RPS6KA6: variants seen among roughly 807,000 people sequenced by gnomAD.
RPS6KA6 encodes the protein ribosomal protein S6 kinase A6, also known as ribosomal protein S6 kinase alpha-6.
RPS6KA6 carries 27 observed loss-of-function variants against 65.4 expected under a neutral mutation model. The observed-to-expected ratio is 0.41, with a 90% confidence interval of 0.30 to 0.57. The LOEUF (loss-of-function observed/expected upper bound fraction) is 0.57, where lower values mean the gene tolerates loss of function less well. Among genes scored for constraint, RPS6KA6 ranks in the 20% least tolerant of loss-of-function variants. The probability of loss-of-function intolerance (pLI) is 0.24; values close to 1 mark genes in which losing one functional copy is unlikely to be tolerated. For synonymous variants in RPS6KA6, 190 were observed against 184.2 expected (o/e 1.03, Z -0.26); for missense variants, 486 against 555.6 (o/e 0.87, Z 1.26).
chrX:84,182,057 TCTCTCTCA>T lies in RPS6KA6; in HGVS notation c.81+5754_81+5761del, dbSNP rs1468967144. The stretch of plus-strand genomic sequence containing the variant: ...CTCTGTCTCTCTCTCTCTCTCTCTC[TCTCTCTCA>T]CACACACACACACACACACACACAC... On this transcript the variant is annotated intron_variant, in intron 1 of 21. Transcript: ENST00000262752. Among the ~76,000 whole-genome samples, 611 of 98,404 alleles carry T rather than the reference TCTCTCTCA, an allele frequency of 6.2e-3. 5 individuals carry two copies. Among genetic ancestry groups the T allele is most frequent in the East Asian group, 0.025 (57 of 2,291 alleles). The allele number at this position is 98,404 out of a possible 115,157, so 85.5% of individuals were successfully genotyped here.
chrX:84,107,295 T>C lies in RPS6KA6; in HGVS notation c.1112-255A>G, dbSNP rs1046788894. Among the ~76,000 whole-genome samples the C allele has an allele frequency of 2.7e-5, 3 of 111,851 alleles. No individual in the cohort carries two copies. The Admixed American group carries it at 2.9e-4, about 11-fold the overall frequency. On this transcript the variant is annotated intron_variant, in intron 13 of 21. Transcript: ENST00000262752. ...GTATTCAATATTTCTTGAGTGTATG[T>C]ATGAAACTGTAAAAGACAGAGTAAT...
At chrX:84,065,775 T>C (rs779694667) in intron 20 of RPS6KA6, among the ~76,000 whole-genome samples, 1 of 112,332 alleles carries the variant, frequency 8.9e-6, no homozygotes, top group Non-Finnish European at 1.9e-5. Flanking sequence ...CTCCCAAGTA[T>C]CTTTTAGAGA....
At chrX:84,102,003 A>G (rs778394104) in intron 18 of RPS6KA6, 34 bp downstream of exon 18, 3 of 1,121,786 alleles carry the variant, frequency 2.7e-6, no homozygotes, top group Admixed American at 2.6e-5. Flanking sequence ...AAGGAAAAGA[A>G]TGAAAGGCAA....
At chrX:84,065,724 T>A (rs201048541) in intron 20 of RPS6KA6, among the ~76,000 whole-genome samples, 5,698 of 111,987 alleles carry the variant, frequency 0.051, 196 homozygotes, top group East Asian at 0.2. Context: ...GGAAAAGTTT[T>A]CAATATATTA....
intron 1 of RPS6KA6, among the ~76,000 whole-genome samples, chrX:84,173,896 G>A (rs2147631682): frequency 9.0e-6 from 1 of 111,554 alleles, no homozygotes; most frequent in East Asian, 2.8e-4. Context: ...ATCACTTTTG[G>A]TCAACGTGAA....
Position 84,061,585 on chromosome X carries a change from T to A in RPS6KA6, c.*2692A>T, listed in dbSNP as rs2033302277. ...TTTTCTTGAAAATTGTTTCCTGAGT[T>A]TATTCATGGTAGTATGTGCTTAAGG... On this transcript the variant is annotated 3_prime_UTR_variant, in exon 22 of 22. Transcript: ENST00000262752. 9.0e-6 allele frequency: 1 copy of A among 111,483 alleles called. No homozygotes were observed. Among genetic ancestry groups the A allele is most frequent in the Non-Finnish European group, 1.9e-5 (1 of 52,990 alleles). The allele number at this position is 111,483 out of a possible 1,213,427, so 9.2% of individuals were successfully genotyped here.
chrX:84,147,565 G>GAT (rs2035221181), intron 4 of RPS6KA6, among the ~76,000 whole-genome samples: 1 of 111,560 alleles, frequency 9.0e-6, no homozygotes, highest in Non-Finnish European at 1.9e-5. Context: ...GCCCACCTCA[G>GAT]CCTCTCAAAC....
At position 84,141,365 on chromosome X, in the gene RPS6KA6, T is replaced by C. The variant is rs755401469; in HGVS notation, c.501+4113A>G. On this transcript the variant is annotated intron_variant, in intron 6 of 21. Transcript: ENST00000262752. ...TATTAAATTACACAACAAAGTGTTA[T>C]GGATAATATCTACAAGACAACAGCA... Among the ~76,000 whole-genome samples the C allele has an allele frequency of 1.3e-4, 14 of 107,484 alleles. No homozygotes were observed. In the East Asian group the frequency reaches 3.5e-3, roughly 27 times the overall value. 93.3% of individuals were successfully genotyped at this position (107,484 alleles called of 115,157 possible). A position where few individuals can be genotyped will look rare whatever the true frequency, so the allele number is the denominator to read the frequency against.
chrX:84,084,647 C>A (rs1360817114), intron 20 of RPS6KA6, among the ~76,000 whole-genome samples: 1 of 112,118 alleles, frequency 8.9e-6, no homozygotes, highest in Non-Finnish European at 1.9e-5. Context: ...TAGTGTGATG[C>A]CTCCAGCTTT....
In RPS6KA6 at chrX:84,063,870, A is replaced by T; in HGVS notation, c.*407T>A. 1 of 112,984 alleles carries T rather than the reference A, an allele frequency of 8.9e-6. No homozygotes were observed. The highest frequency in any genetic ancestry group is 2.8e-4 in the East Asian group (1 of 3,608). 9.3% of individuals were successfully genotyped at this position (112,984 alleles called of 1,213,427 possible). On this transcript the variant is annotated 3_prime_UTR_variant, in exon 22 of 22. Transcript: ENST00000262752. ...CATTAGAAAAAGCCTATCCTTCAGG[A>T]TCTGATGTTTAAAAATACTAACATT... is the stretch of plus-strand genomic sequence containing the variant.
chrX:84,140,312 A>G (rs2035072180), intron 6 of RPS6KA6, among the ~76,000 whole-genome samples: 1 of 111,500 alleles, frequency 9.0e-6, no homozygotes, highest in Non-Finnish European at 1.9e-5. Context: ...AATCTAACGA[A>G]CTTTAAAAGA....
intron 20 of RPS6KA6, among the ~76,000 whole-genome samples, chrX:84,087,136 G>A (rs1420856216): frequency 9.0e-6 from 1 of 111,060 alleles, no homozygotes; most frequent in Non-Finnish European, 1.9e-5. Context: ...TTTAATTGAG[G>A]AATTTAGCCT....
intron 19 of RPS6KA6, 44 bp from the exon 20 acceptor site, chrX:84,096,355 C>T: frequency 1.7e-6 from 1 of 599,731 alleles, no homozygotes; most frequent in South Asian, 4.6e-5. Flanking sequence ...GGGTAACATA[C>T]CCAAACAATG....
chrX:84,067,876 G>A (rs1011675837), intron 20 of RPS6KA6, among the ~76,000 whole-genome samples: 1 of 111,571 alleles, frequency 9.0e-6, no homozygotes, highest in Non-Finnish European at 1.9e-5. Context: ...GAGAAAGGTC[G>A]GGTTAACCTA....
intron 4 of RPS6KA6, among the ~76,000 whole-genome samples, chrX:84,147,625 T>C (rs1307705994): frequency 9.0e-6 from 1 of 111,651 alleles, no homozygotes; most frequent in East Asian, 2.8e-4. Flanking sequence ...TAATCTCTTT[T>C]AATTGTTCAA....
At chrX:84,117,588 A>G in intron 9 of RPS6KA6, 134 bp from the exon 10 acceptor site, 1 of 351,771 alleles carries the variant, frequency 2.8e-6, no homozygotes, top group Non-Finnish European at 4.8e-6. Flanking sequence ...TCAAAATGGG[A>G]CCAGAAAACT....
intron 18 of RPS6KA6, among the ~76,000 whole-genome samples, 192 bp downstream of exon 18, chrX:84,101,845 G>A (rs1411862574): frequency 1.8e-5 from 2 of 110,818 alleles, no homozygotes; most frequent in Non-Finnish European, 3.8e-5. Flanking sequence ...CATTCTGGTT[G>A]GTTTTAGATG....
chrX:84,106,083 T>C (rs764048530), intron 15 of RPS6KA6, among the ~76,000 whole-genome samples: 1 of 111,701 alleles, frequency 9.0e-6, no homozygotes, highest in Non-Finnish European at 1.9e-5. Flanking sequence ...TTCACTGAAA[T>C]TGTACCAATG....
At chrX:84,115,687 A>G (rs2034551499) in intron 12 of RPS6KA6, among the ~76,000 whole-genome samples, 1 of 112,068 alleles carries the variant, frequency 8.9e-6, no homozygotes, top group Admixed American at 9.5e-5. Context: ...CACAATAGCA[A>G]AGTCATGGAA....
Sources: allele counts gnomAD v4.1 joint callset (sites outside exome capture counted in the v4.1 genomes callset), GRCh38; gene constraint gnomAD v4.1.1; transcripts MANE v1.5; gene names NCBI Gene and HGNC (gene_info 2026-07-23, HGNC 2026-07-21).